ITGB8: variants seen among roughly 807,000 people sequenced by gnomAD.
ITGB8 encodes integrin subunit beta 8.
In ITGB8, 30 loss-of-function variants were observed where a neutral mutation model predicts 89.5. That is an observed-to-expected ratio of 0.34 (90% CI 0.25 to 0.45). The LOEUF (loss-of-function observed/expected upper bound fraction) is 0.45, where lower values mean the gene tolerates loss of function less well. Among genes scored for constraint, ITGB8 ranks in the 20% least tolerant of loss-of-function variants. ITGB8 has a pLI of 1.00. For synonymous variants in ITGB8, 335 were observed against 320.4 expected (o/e 1.05, Z -0.49); for missense variants, 836 against 933.3 (o/e 0.90, Z 1.36).
chr7:20,400,809 C>T (rs969184386), intron 9 of ITGB8, among the ~76,000 whole-genome samples: 1 of 152,078 alleles, frequency 6.6e-6, no homozygotes, highest in Non-Finnish European at 1.5e-5. Context: ...AATGAGAGTC[C>T]TAAACATTTT....
In ITGB8 at chr7:20,396,164, C is replaced by A. The variant is rs573581676; in HGVS notation, c.1146+1179C>A. On this transcript the variant is annotated intron_variant, in intron 8 of 13. Coordinates refer to ENST00000222573, the MANE Select transcript of ITGB8 (RefSeq NM_002214.3). The stretch of plus-strand genomic sequence containing the variant: ...TATGAAATGAAGAACTTAGGCCGGG[C>A]GCGGTGGTTCATGCCTGTAATCCCA... 5.9e-5 allele frequency among the ~76,000 whole-genome samples: 9 copies of A among 152,174 alleles called. No homozygotes were observed. The East Asian group carries it at 1.7e-3, about 29-fold the overall frequency.
chr7:20,383,552 C>T (rs1406978060), intron 6 of ITGB8, among the ~76,000 whole-genome samples: 1 of 152,086 alleles, frequency 6.6e-6, no homozygotes, highest in Non-Finnish European at 1.5e-5. Flanking sequence ...AAGAAAATAA[C>T]AATGACATTA....
chr7:20,382,345 TTC>T (rs2127963334), intron 6 of ITGB8, among the ~76,000 whole-genome samples: 2 of 152,260 alleles, frequency 1.3e-5, no homozygotes, highest in African/African-American at 4.8e-5. Context: ...AAAGCAGGCT[TTC>T]TCTGTTTTGT....
chr7:20,379,652 G>T (rs1786295848), intron 4 of ITGB8: 1 of 152,516 alleles, frequency 6.6e-6, no homozygotes, highest in South Asian at 2.1e-4. Context: ...TTTTTTGATT[G>T]CTCCAAAATT....
intron 1 of ITGB8, among the ~76,000 whole-genome samples, chr7:20,349,918 G>T (rs1208561655): frequency 6.6e-6 from 1 of 152,126 alleles, no homozygotes; most frequent in Non-Finnish European, 1.5e-5. Context: ...GTCAGTGGAT[G>T]AGTTTTGCCA....
chr7:20,339,191 GAA>G (rs11296776), intron 1 of ITGB8, among the ~76,000 whole-genome samples: 1,918 of 107,726 alleles, frequency 0.018, 37 homozygotes, highest in African/African-American at 0.06. Context: ...ACTCCATCTC[GAA>G]AAAAAAAAAA....
intron 11 of ITGB8, among the ~76,000 whole-genome samples, chr7:20,405,218 A>C (rs1180909949): frequency 2.6e-5 from 4 of 152,058 alleles, no homozygotes; most frequent in African/African-American, 9.7e-5. Flanking sequence ...ATATCTGTGA[A>C]AGTATCAAAT....
Position 20,385,940 on chromosome 7 carries a change from A to T in ITGB8, c.960+4055A>T, listed in dbSNP as rs1206401197. ...AATTCCATGTGAGGAGATAATTGTG[A>T]TCTTTTAATAAAGAGATCTGTTAAT... On this transcript the variant is annotated intron_variant, in intron 6 of 13. Coordinates refer to ENST00000222573, the MANE Select transcript of ITGB8 (RefSeq NM_002214.3). 3.3e-5 allele frequency among the ~76,000 whole-genome samples: 5 copies of T among 152,228 alleles called. No homozygotes were observed. In the East Asian group the frequency reaches 7.7e-4, roughly 23 times the overall value.
intron 1 of ITGB8, among the ~76,000 whole-genome samples, chr7:20,334,733 C>A (rs940515577): frequency 6.6e-6 from 1 of 152,162 alleles, no homozygotes; most frequent in South Asian, 2.1e-4. Flanking sequence ...CAAATTAATT[C>A]TATCTTGAAG....
intron 1 of ITGB8, among the ~76,000 whole-genome samples, chr7:20,335,894 C>T (rs907682460): frequency 6.6e-6 from 1 of 152,012 alleles, no homozygotes; most frequent in African/African-American, 2.4e-5. Context: ...TTGGTTTAAG[C>T]TCCTTCTCCA....
intron 1 of ITGB8, chr7:20,346,527 TA>T (rs747298339): frequency 1.3e-5 from 2 of 158,382 alleles, no homozygotes; most frequent in East Asian, 3.8e-4. Flanking sequence ...TCAAGGTAGA[TA>T]GTGGTGATGA....
At position 20,387,733 on chromosome 7, in the gene ITGB8, GC is replaced by G. The variant is rs557163422; in HGVS notation, c.961-3667del. Among the ~76,000 whole-genome samples the G allele has an allele frequency of 3.0e-3, 456 of 152,242 alleles. 13 individuals carry two copies. The highest frequency in any genetic ancestry group is 0.028 in the Admixed American group (430 of 15,296). On this transcript the variant is annotated intron_variant, in intron 6 of 13. Transcript: ENST00000222573. ...CTTTGTCAAATAAAAAATATATCCA[GC>G]CCAAACTGTCAATAGCACTACTCTT...
At chr7:20,368,803 T>A (rs1785812024) in intron 3 of ITGB8, among the ~76,000 whole-genome samples, 1 of 152,106 alleles carries the variant, frequency 6.6e-6, no homozygotes, top group Non-Finnish European at 1.5e-5. Context: ...ATGATTTTTT[T>A]TAATTTTACT....
At chr7:20,337,651 G>T (rs907151790) in intron 1 of ITGB8, among the ~76,000 whole-genome samples, 9 of 152,290 alleles carry the variant, frequency 5.9e-5, no homozygotes, top group Non-Finnish European at 5.9e-5. Context: ...AATGGTCCCA[G>T]AATTCCGATC....
chr7:20,381,869 T>C lies in ITGB8; in HGVS notation c.944T>C (p.Val315Ala). 6.2e-7 allele frequency: 1 copy of C among 1,612,236 alleles called. No homozygotes were observed. The highest frequency in any genetic ancestry group is 8.5e-7 in the Non-Finnish European group (1 of 1,179,462). Reference sequence around the variant, plus strand: ...TGTCATCTGAAAAACAACGTCTATGTCAAATCGACAACCATGGTAATGCAG... The same window carrying C: ...TGTCATCTGAAAAACAACGTCTATGCCAAATCGACAACCATGGTAATGCAG... ...GNCHLKNNVYVKSTTMEHPSL... is the reference protein window; with the variant it reads ...GNCHLKNNVYAKSTTMEHPSL... Residue 315 changes from valine to alanine, a missense_variant, in exon 6 of 14, where the codon GTC becomes GCC. Physicochemically the swap from Val to Ala is moderately conservative, Grantham distance 64. Transcript: ENST00000222573.
chr7:20,334,995 A>G (rs1387579115), intron 1 of ITGB8, among the ~76,000 whole-genome samples: 1 of 152,212 alleles, frequency 6.6e-6, no homozygotes, highest in East Asian at 1.9e-4. Flanking sequence ...AGAGAATGGT[A>G]TAAGGGACCA....
At chr7:20,368,729 A>G (rs1157604638) in intron 3 of ITGB8, among the ~76,000 whole-genome samples, 1 of 152,078 alleles carries the variant, frequency 6.6e-6, no homozygotes, top group Non-Finnish European at 1.5e-5. Flanking sequence ...TATTTTTGTT[A>G]TGCTCCTTCG....
In ITGB8 at chr7:20,401,890, A is replaced by C. The variant is rs772676164; in HGVS notation, c.1451A>C (p.Glu484Ala). Residue 484 changes from glutamate (E) to alanine (A), a missense_variant, in exon 10 of 14, where the codon GAA becomes GCA. Glu to Ala is a moderately radical substitution (Grantham distance 107, BLOSUM62 -1). Transcript: ENST00000222573. ...NRGPKGKCVD[E>A]TFLDSKCFQC... is the part of the protein sequence containing the mutation. ...GGACCTAAAGGAAAGTGTGTAGATG[A>C]AACTTTTCTAGATTCCAAGTGTTTC... is the stretch of plus-strand genomic sequence containing the variant. 1 of 1,613,558 alleles carries C rather than the reference A, an allele frequency of 6.2e-7. No homozygotes were observed. The highest frequency in any genetic ancestry group is 8.5e-7 in the Non-Finnish European group (1 of 1,179,820).
Position 20,381,902 on chromosome 7 carries a change from C to G in ITGB8, c.960+17C>G, listed in dbSNP as rs200550302. 1.3e-6 allele frequency: 2 copies of G among 1,590,538 alleles called. No homozygotes were observed. The highest frequency in any genetic ancestry group is 3.6e-5 in the Admixed American group (2 of 55,420). On this transcript the variant is annotated intron_variant, in intron 6 of 13. Transcript: ENST00000222573. The stretch of plus-strand genomic sequence containing the variant: ...ACAACCATGGTAATGCAGCAGTAAC[C>G]GCTTAGTAGATATGACTCTTTTGGT...
Sources: allele counts gnomAD v4.1 joint callset (sites outside exome capture counted in the v4.1 genomes callset), GRCh38; gene constraint gnomAD v4.1.1; transcripts MANE v1.5; gene names NCBI Gene and HGNC (gene_info 2026-07-23, HGNC 2026-07-21).